The following RTTN variants were observed in gnomAD, a reference collection of about 807,000 sequenced individuals.
RTTN encodes rotatin.
RTTN carries 182 observed loss-of-function variants against 269.2 expected under a neutral mutation model. That is an observed-to-expected ratio of 0.68 (90% confidence interval 0.60 to 0.76). The LOEUF (loss-of-function observed/expected upper bound fraction) is 0.76, where lower values mean the gene tolerates loss of function less well. Ranked by LOEUF, RTTN falls within the 30% of genes least tolerant of loss-of-function variation. The probability of loss-of-function intolerance (pLI) is 0.00; values close to 1 mark genes in which losing one functional copy is unlikely to be tolerated. For missense variants in RTTN, 2,545 were observed against 2,608.6 expected, an observed-to-expected ratio of 0.98 and a Z score of 0.53; for synonymous variants, 1,006 against 963.5, an observed-to-expected ratio of 1.04 and a Z score of -0.82.
At chr18:70,178,268 T>A (rs532459220) in intron 10 of RTTN, among the ~76,000 whole-genome samples, 42 of 152,196 alleles carry the variant, frequency 2.8e-4, no homozygotes, top group African/African-American at 9.6e-4. Context: ...TCAAAAGGAA[T>A]TAAATTCTGA....
intron 10 of RTTN, among the ~76,000 whole-genome samples, chr18:70,186,007 C>T (rs2061535632): frequency 6.7e-6 from 1 of 149,028 alleles, no homozygotes; most frequent in South Asian, 2.1e-4. Context: ...TCATAATCAT[C>T]AGTCACTAGG....
At position 70,028,862 on chromosome 18, in the gene RTTN, A is replaced by G; in HGVS notation, c.5746-61T>C. The G allele has an allele frequency of 3.5e-6, 4 of 1,154,682 alleles. No homozygotes were observed. In the Admixed American group the frequency reaches 7.2e-5, roughly 21 times the overall value. The allele number at this position is 1,154,682 out of a possible 1,614,324, so 71.5% of individuals were successfully genotyped here. A position where few individuals can be genotyped will look rare whatever the true frequency, so the allele number is the denominator to read the frequency against. ...CAACAGCATACTTCACTTTTTGTGT[A>G]TAGTAATTCCCTCCCCTTTGGGTCA... is the stretch of plus-strand genomic sequence containing the variant. On this transcript the variant is annotated intron_variant, in intron 42 of 48. Transcript: ENST00000640769.
chr18:70,185,471 T>C (rs144412346), intron 10 of RTTN, among the ~76,000 whole-genome samples: 1,877 of 152,284 alleles, frequency 0.012, 23 homozygotes, highest in South Asian at 0.037. Flanking sequence ...TAAGAATACA[T>C]GGAACTTCCT....
chr18:70,178,482 T>C (rs1599931860), intron 10 of RTTN, among the ~76,000 whole-genome samples: 1 of 152,084 alleles, frequency 6.6e-6, no homozygotes, highest in Non-Finnish European at 1.5e-5. Flanking sequence ...TAGATAATGA[T>C]AATGGTTGTA....
chr18:70,101,706 G>A (rs1397212111), intron 28 of RTTN, among the ~76,000 whole-genome samples: 1 of 152,060 alleles, frequency 6.6e-6, no homozygotes, highest in Non-Finnish European at 1.5e-5. Context: ...TTTCTCCTGT[G>A]GGCATTTAGT....
intron 7 of RTTN, among the ~76,000 whole-genome samples, chr18:70,195,957 G>C: frequency 6.6e-6 from 1 of 152,158 alleles, no homozygotes; most frequent in East Asian, 1.9e-4. Flanking sequence ...TTCGATGCAG[G>C]TTGCATTAAG....
At chr18:70,166,587 TCTCAGTTTA>T (rs1471192451) in intron 13 of RTTN, 2 of 206,538 alleles carry the variant, frequency 9.7e-6, no homozygotes, top group African/African-American at 2.3e-5. Context: ...GTTACAAAAC[TCTCAGTTTA>T]AGTTATTAAT....
At chr18:70,064,606 C>T (rs1265283946) in intron 35 of RTTN, among the ~76,000 whole-genome samples, 3 of 152,070 alleles carry the variant, frequency 2.0e-5, no homozygotes, top group African/African-American at 7.2e-5. Flanking sequence ...TATATGATTC[C>T]ATTCATACAA....
intron 40 of RTTN, among the ~76,000 whole-genome samples, chr18:70,032,275 C>G (rs145909944): frequency 1.6e-4 from 24 of 152,314 alleles, no homozygotes; most frequent in African/African-American, 5.5e-4. Flanking sequence ...CTAGCCACAC[C>G]TGCTTGGAGT....
chr18:70,098,009 C>G (rs2145307776), intron 28 of RTTN, among the ~76,000 whole-genome samples: 1 of 152,202 alleles, frequency 6.6e-6, no homozygotes, highest in South Asian at 2.1e-4. Flanking sequence ...GAGACTGACT[C>G]TGTAAAAGGT....
intron 45 of RTTN, among the ~76,000 whole-genome samples, chr18:70,020,104 C>G (rs1376305343): frequency 6.6e-6 from 1 of 152,064 alleles, no homozygotes. Flanking sequence ...TTTAAATTAC[C>G]TTAAGTTAAA....
At chr18:70,135,773 GTTTTGGTTCC>G (rs1368703720) in intron 21 of RTTN, among the ~76,000 whole-genome samples, 3 of 152,126 alleles carry the variant, frequency 2.0e-5, no homozygotes. Flanking sequence ...CTGTGTCATT[GTTTTGGTTCC>G]TTTTAATTAT....
Position 70,177,626 on chromosome 18 carries a change from A to G in RTTN, c.1306-781T>C, listed in dbSNP as rs542216747. ...ACCCTCAGTAAGAAAGAAAAAAAAA[A>G]CTGAAGTACTTAACTTTCAATTTTC... On this transcript the variant is annotated intron_variant, in intron 10 of 48. Transcript: ENST00000640769. Among the ~76,000 whole-genome samples the G allele has an allele frequency of 7.8e-4, 118 of 152,226 alleles. 1 individual carries two copies. The highest frequency in any genetic ancestry group is 5.8e-3 in the South Asian group (28 of 4,818).
intron 25 of RTTN, among the ~76,000 whole-genome samples, chr18:70,125,985 G>A (rs1260049887): frequency 6.6e-6 from 1 of 152,026 alleles, no homozygotes. Flanking sequence ...AGTAGTGTCT[G>A]TGTTGCCATG....
chr18:70,205,637 T>A lies in RTTN; in HGVS notation c.22A>T (p.Arg8Trp). The stretch of plus-strand genomic sequence containing the variant: ...GCAAGCTGACAGTTACCGAGTTTCC[T>A]GATGAGCCCTGCCAGGACCATCTCG... Reference protein sequence around the residue: MVLAGLIRKLGHQLAEIR... With the variant: MVLAGLIWKLGHQLAEIR... Residue 8 changes from arginine (R) to tryptophan (W), a missense_variant, in exon 1 of 49, where the codon AGG (arginine) becomes TGG (tryptophan). Arg to Trp is a moderately radical substitution (Grantham distance 101, BLOSUM62 -3). Coordinates refer to ENST00000640769, the MANE Select transcript of RTTN (RefSeq NM_173630.4). 1 of 1,614,086 alleles carries A rather than the reference T, an allele frequency of 6.2e-7. No individual in the cohort carries two copies.
At chr18:70,127,167 T>C (rs1048415381) in intron 25 of RTTN, among the ~76,000 whole-genome samples, 1 of 152,214 alleles carries the variant, frequency 6.6e-6, no homozygotes, top group Non-Finnish European at 1.5e-5. Flanking sequence ...ATCACAGCTA[T>C]TAATCAATTC....
chr18:70,039,859 T>C (rs1381297873), intron 40 of RTTN, among the ~76,000 whole-genome samples: 1 of 152,166 alleles, frequency 6.6e-6, no homozygotes, highest in East Asian at 1.9e-4. Context: ...AGTTTTCTTT[T>C]GCATGTGTGC....
chr18:70,043,312 C>T (rs938118961), intron 40 of RTTN, among the ~76,000 whole-genome samples: 3 of 152,104 alleles, frequency 2.0e-5, no homozygotes, highest in African/African-American at 4.8e-5. Flanking sequence ...CTCTGCAACA[C>T]GGTTCAACTG....
At chr18:70,044,318 A>G (rs1397897249) in intron 40 of RTTN, among the ~76,000 whole-genome samples, 2 of 152,250 alleles carry the variant, frequency 1.3e-5, no homozygotes, top group African/African-American at 4.8e-5. Flanking sequence ...TAGATATCAG[A>G]TCAAATATAA....
Sources: allele counts gnomAD v4.1 joint callset (sites outside exome capture counted in the v4.1 genomes callset), GRCh38; gene constraint gnomAD v4.1.1; transcripts MANE v1.5; gene names NCBI Gene and HGNC (gene_info 2026-07-23, HGNC 2026-07-21).